Variants in NDUFA10 observed in about 807,000 individuals in gnomAD.
NDUFA10 encodes the protein NADH:ubiquinone oxidoreductase subunit A10.
Under a neutral mutation model 47.8 loss-of-function variants are expected in NDUFA10, and 40 were observed. The observed-to-expected ratio is 0.84, with a 90% CI of 0.65 to 1.09. The LOEUF (loss-of-function observed/expected upper bound fraction) is 1.09. NDUFA10 is among the 50% of genes least tolerant of loss of function. The pLI, the probability that NDUFA10 is intolerant of heterozygous loss-of-function variation, is 0.00. For synonymous variants in NDUFA10, 183 were observed against 172.2 expected (o/e 1.06, Z -0.49); for missense variants, 413 against 451.1 (o/e 0.92, Z 0.76).
At chr2:240,003,501 G>C (rs1195951639) in intron 8 of NDUFA10, among the ~76,000 whole-genome samples, 3 of 152,196 alleles carry the variant, frequency 2.0e-5, no homozygotes, top group African/African-American at 4.8e-5. Flanking sequence ...GCAGGCTCAG[G>C]CCAAGGGCTC....
chr2:239,958,813 T>C lies in NDUFA10; in HGVS notation c.*2305A>G, dbSNP rs1265286679. On this transcript the variant is annotated 3_prime_UTR_variant, in exon 10 of 10. Coordinates refer to ENST00000252711, the MANE Select transcript of NDUFA10 (RefSeq NM_004544.4). ...TCTCATGCCTGTAAACACATGCCTG[T>C]ATGAATAAAATCCAGACACAAAACC... 1 of 450,968 alleles carries C rather than the reference T, an allele frequency of 2.2e-6. No individual in the cohort carries two copies. Among genetic ancestry groups the C allele is most frequent in the Non-Finnish European group, 2.9e-6 (1 of 341,722 alleles). The allele number at this position is 450,968 out of a possible 1,614,324, so 27.9% of individuals were successfully genotyped here. A position where few individuals can be genotyped will look rare whatever the true frequency, so the allele number is the denominator to read the frequency against.
intron 9 of NDUFA10, among the ~76,000 whole-genome samples, chr2:239,970,400 A>T (rs1695260277): frequency 6.6e-6 from 1 of 152,274 alleles, no homozygotes; most frequent in Non-Finnish European, 1.5e-5. Flanking sequence ...CAACTGCTAA[A>T]GGAAGTTATT....
In NDUFA10 at chr2:240,005,233, G is replaced by A; in HGVS notation, c.867C>T (p.Arg289=). The change falls in exon 8 of 10, where the codon CGC becomes CGT. Residue 289 remains arginine, a synonymous_variant. Coordinates refer to ENST00000252711, the MANE Select transcript of NDUFA10 (RefSeq NM_004544.4). ...DKGPWLKQDN[R]TLYHLRLLVQ... Reference sequence around the variant, plus strand: ...ACAGTAATCGCAGGTGGTATAAAGTGCGATTGTCCTGCTTGAGCCACGGCC... The same window carrying A: ...ACAGTAATCGCAGGTGGTATAAAGTACGATTGTCCTGCTTGAGCCACGGCC... 3.7e-6 allele frequency: 6 copies of A among 1,614,026 alleles called. No homozygotes were observed. The highest frequency in any genetic ancestry group is 1.7e-5 in the Admixed American group (1 of 60,024).
intron 5 of NDUFA10, among the ~76,000 whole-genome samples, chr2:239,893,778 G>A (rs1329117228): frequency 1.3e-5 from 2 of 152,192 alleles, no homozygotes; most frequent in African/African-American, 4.8e-5. Flanking sequence ...AGTGGGAGTG[G>A]GAAGCACGGC....
At chr2:240,011,745 T>C (rs897808185) in intron 5 of NDUFA10, 49 bp from the exon 6 acceptor site, 1 of 1,466,684 alleles carries the variant, frequency 6.8e-7, no homozygotes, top group East Asian at 2.3e-5. Flanking sequence ...GAGTTCATTC[T>C]CTTTGACCTG....
chr2:239,951,675 C>T (rs1694554939), intron 4 of NDUFA10, among the ~76,000 whole-genome samples: 1 of 152,230 alleles, frequency 6.6e-6, no homozygotes, highest in Non-Finnish European at 1.5e-5. Flanking sequence ...TCTAGGAAGA[C>T]TCTAATGGCA....
chr2:239,899,085 T>TAAA (rs1166002100), intron 4 of NDUFA10, among the ~76,000 whole-genome samples: 1 of 28,402 alleles, frequency 3.5e-5, no homozygotes. Flanking sequence ...TGGAGGAGTG[T>TAAA]GGAGGGGTGT....
At chr2:239,892,927 G>A (rs1693320537) in intron 5 of NDUFA10, among the ~76,000 whole-genome samples, 1 of 152,218 alleles carries the variant, frequency 6.6e-6, no homozygotes, top group Admixed American at 6.5e-5. Context: ...CATCATTTCT[G>A]GAGGCCAGCA....
At chr2:240,011,248 C>T (rs1397846894) in intron 6 of NDUFA10, among the ~76,000 whole-genome samples, 2 of 152,224 alleles carry the variant, frequency 1.3e-5, no homozygotes, top group Non-Finnish European at 2.9e-5. Flanking sequence ...TCCATGAATA[C>T]ACTTCCAATC....
rs538454535 is a variant in NDUFA10 at position 239,996,195 on chromosome 2, G to A, written c.891-6013C>T. Among the ~76,000 whole-genome samples the A allele has an allele frequency of 4.8e-4, 73 of 152,184 alleles. No individual in the cohort carries two copies. The South Asian group carries it at 0.015, about 31-fold the overall frequency. On this transcript the variant is annotated intron_variant, in intron 8 of 9. Transcript: ENST00000252711. ...GATGACTTGAATACCACCGTCAATC[G>A]GCTCGATCTGACATTTATACAACAC...
intron 4 of NDUFA10, among the ~76,000 whole-genome samples, chr2:239,950,335 G>A (rs73103612): frequency 0.13 from 19,962 of 152,154 alleles, 1,346 homozygotes; most frequent in East Asian, 0.18. Flanking sequence ...GAGGTCTCCT[G>A]TGGGCATGCC....
At chr2:240,014,935 T>C in intron 4 of NDUFA10, 75 bp from the exon 5 acceptor site, 1 of 1,600,906 alleles carries the variant, frequency 6.2e-7, no homozygotes, top group Non-Finnish European at 8.5e-7. Flanking sequence ...CCTCCTTGAA[T>C]AAAAGGGCAA....
intron 8 of NDUFA10, among the ~76,000 whole-genome samples, chr2:240,002,750 A>AT (rs1403162802): frequency 6.6e-6 from 1 of 152,080 alleles, no homozygotes; most frequent in Non-Finnish European, 1.5e-5. Flanking sequence ...TGCAAATACT[A>AT]TTTTAACAGG....
intron 1 of NDUFA10, 38 bp downstream of exon 1, chr2:240,025,189 T>G (rs1056089942): frequency 1.8e-5 from 4 of 221,998 alleles, no homozygotes; most frequent in Non-Finnish European, 2.8e-5. Context: ...CCCGCCACCC[T>G]GCCACCCCGC....
chr2:239,978,102 C>A (rs1284431791), intron 9 of NDUFA10, among the ~76,000 whole-genome samples: 1 of 152,102 alleles, frequency 6.6e-6, no homozygotes, highest in Non-Finnish European at 1.5e-5. Context: ...GAACTGGGAT[C>A]TCTGAGGAGC....
At chr2:239,970,164 G>A (rs990485066) in intron 9 of NDUFA10, among the ~76,000 whole-genome samples, 1 of 152,108 alleles carries the variant, frequency 6.6e-6, no homozygotes, top group African/African-American at 2.4e-5. Context: ...GGGAAAAAAG[G>A]TTCATCAGGG....
At chr2:240,014,897 G>T in intron 4 of NDUFA10, 37 bp from the exon 5 acceptor site, 2 of 1,613,782 alleles carry the variant, frequency 1.2e-6, no homozygotes, top group Non-Finnish European at 1.7e-6. Flanking sequence ...TCACCTACCA[G>T]TCCCCACACG....
Position 239,960,654 on chromosome 2 carries a change from C to A in NDUFA10, c.*464G>T, listed in dbSNP as rs1041967962. 4.7e-5 allele frequency: 50 copies of A among 1,073,792 alleles called. No homozygotes were observed. Among genetic ancestry groups the A allele is most frequent in the Non-Finnish European group, 5.3e-5 (47 of 881,234 alleles). The allele number at this position is 1,073,792 out of a possible 1,614,324, so 66.5% of individuals were successfully genotyped here. ...TAATGTAAGCCTCAATTAAACCACA[C>A]CACACCAAACAGGGCCCAGAGCAGC... On this transcript the variant is annotated 3_prime_UTR_variant, in exon 10 of 10. Transcript: ENST00000252711.
At chr2:240,005,581 T>C (rs942556344) in intron 7 of NDUFA10, among the ~76,000 whole-genome samples, 3 of 152,180 alleles carry the variant, frequency 2.0e-5, no homozygotes, top group African/African-American at 7.2e-5. Flanking sequence ...GGTCTCAAAC[T>C]CCTGGGCTCA....
Sources: allele counts gnomAD v4.1 joint callset (sites outside exome capture counted in the v4.1 genomes callset), GRCh38; gene constraint gnomAD v4.1.1; transcripts MANE v1.5; gene names NCBI Gene and HGNC (gene_info 2026-07-23, HGNC 2026-07-21).